The following MMP20 variants were observed in gnomAD, a reference collection of about 807,000 sequenced individuals.
The protein encoded by MMP20 is matrix metalloproteinase-20.
Under a neutral mutation model 51.8 loss-of-function variants are expected in MMP20, and 50 were observed. The observed-to-expected ratio is 0.97, with a 90% CI of 0.77 to 1.22. The LOEUF is 1.22. MMP20 is among the 50% of genes most tolerant of loss of function. The pLI is 0.00. For missense variants in MMP20, 663 were observed against 601.4 expected (o/e 1.10, Z -1.07); for synonymous variants, 244 against 216.2 (o/e 1.13, Z -1.13).
intron 8 of MMP20, among the ~76,000 whole-genome samples, chr11:102,586,616 A>C (rs1859257570): frequency 6.6e-6 from 1 of 152,086 alleles, no homozygotes; most frequent in African/African-American, 2.4e-5. Flanking sequence ...GATCGAGACC[A>C]TCCTGGCTAA....
At chr11:102,616,607 A>T (rs1859673805) in intron 2 of MMP20, among the ~76,000 whole-genome samples, 2 of 152,224 alleles carry the variant, frequency 1.3e-5, no homozygotes, top group Non-Finnish European at 2.9e-5. Flanking sequence ...TAAAATAGCC[A>T]GTCATTATGA....
chr11:102,591,936 T>C (rs1009330301), intron 8 of MMP20, among the ~76,000 whole-genome samples: 2 of 152,182 alleles, frequency 1.3e-5, no homozygotes, highest in African/African-American at 2.4e-5. Flanking sequence ...GATCAGGTGA[T>C]AAATGGGCAA....
intron 1 of MMP20, among the ~76,000 whole-genome samples, chr11:102,624,413 T>C (rs1021406033): frequency 3.2e-4 from 2 of 6,340 alleles, no homozygotes; most frequent in African/African-American, 7.2e-4. Flanking sequence ...TATATATATA[T>C]ATATATATAT....
intron 1 of MMP20, among the ~76,000 whole-genome samples, chr11:102,624,029 G>C (rs769040706): frequency 4.6e-5 from 7 of 152,264 alleles, no homozygotes; most frequent in Non-Finnish European, 8.8e-5. Flanking sequence ...GGCATCAGCT[G>C]TGCTGTTCAT....
At position 102,606,529 on chromosome 11, in the gene MMP20, G is replaced by A. The variant is rs1374538019; in HGVS notation, c.953+6C>T. ...AATGAGAGTCGGTGGCGTGTCTGAGGCTTACCGGTCCTTGAAGAGCAGGAG... is the reference window on the plus strand; with the variant it reads ...AATGAGAGTCGGTGGCGTGTCTGAGACTTACCGGTCCTTGAAGAGCAGGAG... On this transcript the variant is annotated splice_donor_region_variant and intron_variant, in intron 6 of 9. Coordinates refer to ENST00000260228, the MANE Select transcript of MMP20 (RefSeq NM_004771.4). 1 of 1,613,720 alleles carries A rather than the reference G, an allele frequency of 6.2e-7. No homozygotes were observed. The highest frequency in any genetic ancestry group is 1.3e-5 in the African/African-American group (1 of 74,904).
chr11:102,623,558 T>C (rs2464354), intron 1 of MMP20, among the ~76,000 whole-genome samples: 113,720 of 152,182 alleles, frequency 0.75, 42,732 homozygotes, highest in East Asian at 0.92. Context: ...AACTGTCTTC[T>C]ATGAAACTGG....
chr11:102,594,449 C>T (rs1859354917), intron 7 of MMP20, among the ~76,000 whole-genome samples, 172 bp downstream of exon 7: 1 of 152,198 alleles, frequency 6.6e-6, no homozygotes, highest in African/African-American at 2.4e-5. Context: ...TCCATTGTTA[C>T]ACAATGTCGG....
chr11:102,597,364 C>G (rs1859394003), intron 6 of MMP20, among the ~76,000 whole-genome samples: 1 of 152,228 alleles, frequency 6.6e-6, no homozygotes, highest in Admixed American at 6.5e-5. Flanking sequence ...CAAAGGAAAA[C>G]TGTACTCTTG....
chr11:102,580,861 G>A (rs1160688348), intron 8 of MMP20, among the ~76,000 whole-genome samples: 2 of 152,164 alleles, frequency 1.3e-5, no homozygotes, highest in African/African-American at 2.4e-5. Flanking sequence ...CCAATAATCT[G>A]TTTTTATGCT....
chr11:102,590,638 G>A (rs1381684088), intron 8 of MMP20, among the ~76,000 whole-genome samples: 2 of 152,196 alleles, frequency 1.3e-5, no homozygotes, highest in Non-Finnish European at 2.9e-5. Context: ...CTAGCATGAG[G>A]AGCAAGGAAG....
At chr11:102,595,493 A>G (rs956488939) in intron 6 of MMP20, among the ~76,000 whole-genome samples, 4 of 152,258 alleles carry the variant, frequency 2.6e-5, no homozygotes, top group South Asian at 2.1e-4. Flanking sequence ...AAAGGTAACT[A>G]TGATCCAGAA....
Position 102,611,854 on chromosome 11 carries a change from C to A in MMP20, c.424G>T (p.Val142Leu). Residue 142 changes from valine (V) to leucine (L), a missense_variant, in exon 3 of 10, where the codon GTG becomes TTG. Physicochemically the swap from Val to Leu is conservative, Grantham distance 32. Coordinates refer to ENST00000260228, the MANE Select transcript of MMP20 (RefSeq NM_004771.4). ...SMSSVEVDKA[V>L]EMALQAWSSA... Reference sequence around the variant, plus strand: ...CTCCAGGCCTGCAAGGCCATCTCCACTGCTTTGTCCACCTCGACAGAACTC... The same window carrying A: ...CTCCAGGCCTGCAAGGCCATCTCCAATGCTTTGTCCACCTCGACAGAACTC... The A allele has an allele frequency of 6.2e-7, 1 of 1,614,234 alleles. No homozygotes were observed. The highest frequency in any genetic ancestry group is 8.5e-7 in the Non-Finnish European group (1 of 1,180,028).
intron 1 of MMP20, among the ~76,000 whole-genome samples, chr11:102,623,406 G>A (rs1373758845): frequency 1.3e-5 from 2 of 152,172 alleles, no homozygotes; most frequent in Non-Finnish European, 1.5e-5. Context: ...TCGCATAGGA[G>A]CAGAACCCTA....
chr11:102,609,760 C>T, intron 4 of MMP20, 145 bp downstream of exon 4: 2 of 1,084,928 alleles, frequency 1.8e-6, no homozygotes, highest in Non-Finnish European at 2.8e-6. Context: ...TTATGTGATC[C>T]CTTTTGGATT....
chr11:102,615,391 T>A (rs1020120254), intron 2 of MMP20, among the ~76,000 whole-genome samples: 1 of 152,090 alleles, frequency 6.6e-6, no homozygotes, highest in South Asian at 2.1e-4. Context: ...CTCACAAAAT[T>A]CTTGGGAGCT....
intron 8 of MMP20, among the ~76,000 whole-genome samples, chr11:102,592,151 A>G (rs1859324748): frequency 6.6e-6 from 1 of 152,230 alleles, no homozygotes; most frequent in African/African-American, 2.4e-5. Context: ...CTGCTGTGTG[A>G]CTACAGCCAC....
At chr11:102,580,427 A>AC (rs1281449827) in intron 8 of MMP20, among the ~76,000 whole-genome samples, 4 of 146,342 alleles carry the variant, frequency 2.7e-5, no homozygotes, top group Admixed American at 6.8e-5. Context: ...CAGCAGATCC[A>AC]CCCACCATCT....
rs1859163954 is a variant in MMP20, at chr11:102,579,149, A to G, written c.1248-7T>C. The G allele has an allele frequency of 1.9e-6, 3 of 1,586,556 alleles. No homozygotes were observed. The African/African-American group carries it at 4.0e-5, about 21-fold the overall frequency. On this transcript the variant is annotated splice_region_variant and splice_polypyrimidine_tract_variant and intron_variant, in intron 8 of 9. Transcript: ENST00000260228. ...CCTTTTCCTTTCGTCGTAGCTAGAA[A>G]AAGTATTATTTCATAAATAATATTA...
Position 102,606,519 on chromosome 11 carries a change from C to G in MMP20, c.953+16G>C. On this transcript the variant is annotated intron_variant, in intron 6 of 9. Coordinates refer to ENST00000260228, the MANE Select transcript of MMP20 (RefSeq NM_004771.4). ...GATGAGGCCCAATGAGAGTCGGTGG[C>G]GTGTCTGAGGCTTACCGGTCCTTGA... 1 of 1,613,470 alleles carries G rather than the reference C, an allele frequency of 6.2e-7. No homozygotes were observed. Among genetic ancestry groups the G allele is most frequent in the Non-Finnish European group, 8.5e-7 (1 of 1,179,660 alleles).
Sources: allele counts gnomAD v4.1 joint callset (sites outside exome capture counted in the v4.1 genomes callset), GRCh38; gene constraint gnomAD v4.1.1; transcripts MANE v1.5; gene names NCBI Gene and HGNC (gene_info 2026-07-23, HGNC 2026-07-21).